The following PARD3 variants were observed in gnomAD, a reference collection of about 807,000 sequenced individuals.
PARD3 encodes the protein par-3 family cell polarity regulator.
Under a neutral mutation model 155.4 loss-of-function variants are expected in PARD3, and 75 were observed. The observed-to-expected ratio is 0.48, with a 90% confidence interval of 0.40 to 0.58. The LOEUF (loss-of-function observed/expected upper bound fraction) is 0.58. Among genes scored for constraint, PARD3 ranks in the 20% least tolerant of loss-of-function variants. PARD3 has a pLI of 0.00. For synonymous variants in PARD3, 576 were observed against 610.5 expected, an observed-to-expected ratio of 0.94 and a Z score of 0.83; for missense variants, 1,642 against 1,721.7, an observed-to-expected ratio of 0.95 and a Z score of 0.82.
At chr10:34,458,134 T>C (rs887509004) in intron 4 of PARD3, among the ~76,000 whole-genome samples, 20 of 152,340 alleles carry the variant, frequency 1.3e-4, no homozygotes, top group African/African-American at 3.8e-4. Flanking sequence ...CGAATAATCA[T>C]ACGTAAAATG....
intron 5 of PARD3, among the ~76,000 whole-genome samples, chr10:34,413,142 T>C (rs12269019): frequency 0.28 from 37,601 of 132,318 alleles, 7,844 homozygotes; most frequent in African/African-American, 0.6. Context: ...TTCAGATATA[T>C]ATACACACAC....
At chr10:34,329,183 C>G (rs575643299) in intron 19 of PARD3, among the ~76,000 whole-genome samples, 1 of 152,102 alleles carries the variant, frequency 6.6e-6, no homozygotes, top group Non-Finnish European at 1.5e-5. Context: ...ACTCTGGAGG[C>G]TATCCCTACA....
intron 23 of PARD3, among the ~76,000 whole-genome samples, chr10:34,124,966 G>T (rs1252315342): frequency 6.6e-6 from 1 of 152,196 alleles, no homozygotes; most frequent in Non-Finnish European, 1.5e-5. Flanking sequence ...CTGAGGGACA[G>T]GTCACAGGGC....
chr10:34,160,669 TCAAAG>T (rs1195746394), intron 22 of PARD3, among the ~76,000 whole-genome samples: 1 of 152,172 alleles, frequency 6.6e-6, no homozygotes, highest in Non-Finnish European at 1.5e-5. Context: ...TTGGTGGTGC[TCAAAG>T]CAATTGCTTT....
chr10:34,730,234 A>G (rs2094792526), intron 1 of PARD3, among the ~76,000 whole-genome samples: 1 of 152,204 alleles, frequency 6.6e-6, no homozygotes, highest in South Asian at 2.1e-4. Context: ...ACAATATATA[A>G]AGAGAAGTGG....
intron 1 of PARD3, among the ~76,000 whole-genome samples, chr10:34,765,565 C>T (rs1564596222): frequency 6.6e-6 from 1 of 151,980 alleles, no homozygotes. Context: ...GTCATCCCAG[C>T]TACTCGGGAG....
intron 2 of PARD3, among the ~76,000 whole-genome samples, chr10:34,688,796 G>T (rs2133406095): frequency 6.6e-6 from 1 of 152,272 alleles, no homozygotes; most frequent in Non-Finnish European, 1.5e-5. Flanking sequence ...GGGTAATTTA[G>T]TACTTGACTT....
intron 22 of PARD3, among the ~76,000 whole-genome samples, chr10:34,163,365 G>C (rs924728455): frequency 6.6e-6 from 1 of 152,144 alleles, no homozygotes; most frequent in Non-Finnish European, 1.5e-5. Context: ...CATATATGCT[G>C]GTTCTTAAAA....
chr10:34,594,545 G>C (rs1317332440), intron 2 of PARD3, among the ~76,000 whole-genome samples: 2 of 151,534 alleles, frequency 1.3e-5, no homozygotes, highest in African/African-American at 4.9e-5. Context: ...AGTGATGCCA[G>C]GAATTACGAC....
At chr10:34,179,160 G>A (rs562110920) in intron 22 of PARD3, among the ~76,000 whole-genome samples, 1 of 128,040 alleles carries the variant, frequency 7.8e-6, no homozygotes, top group East Asian at 2.1e-4. Flanking sequence ...GCACGCATGT[G>A]CGTGCGCGCA....
At chr10:34,389,017 C>T (rs1281510280) in intron 7 of PARD3, among the ~76,000 whole-genome samples, 1 of 151,644 alleles carries the variant, frequency 6.6e-6, no homozygotes, top group Non-Finnish European at 1.5e-5. Flanking sequence ...TAAGATAAAC[C>T]CTACTTGGCT....
chr10:34,691,332 T>TC (rs2094057707), intron 2 of PARD3, among the ~76,000 whole-genome samples: 1 of 151,994 alleles, frequency 6.6e-6, no homozygotes, highest in African/African-American at 2.4e-5. Flanking sequence ...AGAAACACAA[T>TC]CCCATTCCCA....
intron 9 of PARD3, among the ~76,000 whole-genome samples, chr10:34,382,201 C>T (rs1841935274): frequency 6.6e-6 from 1 of 152,108 alleles, no homozygotes; most frequent in African/African-American, 2.4e-5. Flanking sequence ...TATTGTTCTG[C>T]ATTTGATATT....
At position 34,355,958 on chromosome 10, in the gene PARD3, C is replaced by CAAAAAAAAAAAAA. The variant is rs1491326864; in HGVS notation, c.2067+3188_2067+3189insTTTTTTTTTTTTT. The stretch of plus-strand genomic sequence containing the variant: ...AAAAAAAAAAAAAACAAAACAAAAC[C>CAAAAAAAAAAAAA]AAACAAAAAAACAGACAACAGACCC... On this transcript the variant is annotated intron_variant, in intron 14 of 24. Transcript: ENST00000374788. 8.6e-5 allele frequency among the ~76,000 whole-genome samples: 10 copies of CAAAAAAAAAAAAA among 116,218 alleles called. 2 individuals are homozygous for CAAAAAAAAAAAAA. Among genetic ancestry groups the CAAAAAAAAAAAAA allele is most frequent in the African/African-American group, 2.8e-4 (6 of 21,678 alleles). The allele number at this position is 116,218 out of a possible 152,430, so 76.2% of individuals were successfully genotyped here.
chr10:34,570,490 C>T (rs2086303849), intron 2 of PARD3, among the ~76,000 whole-genome samples: 1 of 152,094 alleles, frequency 6.6e-6, no homozygotes, highest in South Asian at 2.1e-4. Flanking sequence ...AAATTTTTTA[C>T]CCTAATGCTG....
At chr10:34,667,851 G>A (rs2093524789) in intron 2 of PARD3, among the ~76,000 whole-genome samples, 1 of 152,218 alleles carries the variant, frequency 6.6e-6, no homozygotes, top group Non-Finnish European at 1.5e-5. Context: ...AACACATCAT[G>A]CTAAGCTCCA....
rs1589612553 is a variant in PARD3, at chr10:34,448,157, G to C, written c.714+2160C>G. 2.0e-5 allele frequency among the ~76,000 whole-genome samples: 3 copies of C among 151,676 alleles called. No individual in the cohort carries two copies. The East Asian group carries it at 5.8e-4, about 29-fold the overall frequency. ...TGCGTGTGTGTGTGTGTGTGTGTGT[G>C]TGTGTGTACACATAAATGTATAAAA... On this transcript the variant is annotated intron_variant, in intron 5 of 24. Coordinates refer to ENST00000374788, the MANE Select transcript of PARD3 (RefSeq NM_001184785.2).
intron 12 of PARD3, among the ~76,000 whole-genome samples, chr10:34,364,501 C>T (rs1839774610): frequency 1.3e-5 from 2 of 151,916 alleles, no homozygotes; most frequent in African/African-American, 4.8e-5. Flanking sequence ...ATGATCATAG[C>T]TCTCCATAAC....
intron 5 of PARD3, among the ~76,000 whole-genome samples, chr10:34,404,817 G>A (rs2132234179): frequency 6.6e-6 from 1 of 152,070 alleles, no homozygotes; most frequent in African/African-American, 2.4e-5. Flanking sequence ...GGGCTTAGTG[G>A]CTCACACCTG....
Sources: gnomAD v4.1 joint callset for allele counts (sites outside exome capture counted in the v4.1 genomes callset) on GRCh38, gnomAD v4.1.1 for gene constraint, MANE v1.5 for transcripts, NCBI Gene and HGNC (gene_info 2026-07-23, HGNC 2026-07-21) for gene names.